COL5A2: variants seen among roughly 807,000 people sequenced by gnomAD.
The protein encoded by COL5A2 is collagen type V alpha 2 chain.
In COL5A2, 23 loss-of-function variants were observed where a neutral mutation model predicts 208.2. That is an observed-to-expected ratio of 0.11 (90% confidence interval 0.08 to 0.16). The LOEUF (loss-of-function observed/expected upper bound fraction) is 0.16, where lower values mean the gene tolerates loss of function less well. Ranked by LOEUF, COL5A2 falls within the 10% of genes least tolerant of loss-of-function variation. The pLI, the probability that COL5A2 is intolerant of heterozygous loss-of-function variation, is 1.00. For missense variants in COL5A2, 1,590 were observed against 1,956.4 expected (o/e 0.81, Z 3.53); for synonymous variants, 625 against 628.5 (o/e 0.99, Z 0.08).
At chr2:189,275,613 T>C in the COL5A2 span, among the ~76,000 whole-genome samples, 1 of 151,936 alleles carries the variant, frequency 6.6e-6, no homozygotes, top group African/African-American at 2.4e-5. Context: ...GCCACCACCC[T>C]GGCTAATTTT....
the COL5A2 span, among the ~76,000 whole-genome samples, chr2:189,277,259 G>A: frequency 2.0e-5 from 3 of 152,006 alleles, no homozygotes; most frequent in African/African-American, 7.2e-5. Flanking sequence ...CTGACCATAG[G>A]TCTTTTAATT....
intron 23 of COL5A2, 72 bp downstream of exon 23, chr2:189,066,318 C>A: frequency 7.3e-7 from 1 of 1,360,920 alleles, no homozygotes; most frequent in Non-Finnish European, 1.1e-6. Flanking sequence ...TTCTAGTTTT[C>A]CTTACTGTTC....
At chr2:189,272,897 C>T in the COL5A2 span, among the ~76,000 whole-genome samples, 1 of 152,130 alleles carries the variant, frequency 6.6e-6, no homozygotes, top group Non-Finnish European at 1.5e-5. Flanking sequence ...CCTTGTACAG[C>T]ATGACCACCA....
At chr2:189,237,679 T>C in the COL5A2 span, among the ~76,000 whole-genome samples, 1 of 151,912 alleles carries the variant, frequency 6.6e-6, no homozygotes, top group Non-Finnish European at 1.5e-5. Context: ...CCAACCACTA[T>C]AGACCAAACA....
At chr2:189,067,424 T>C (rs1686177938) in intron 21 of COL5A2, among the ~76,000 whole-genome samples, 1 of 152,148 alleles carries the variant, frequency 6.6e-6, no homozygotes, top group Non-Finnish European at 1.5e-5. Flanking sequence ...CCACATTACT[T>C]GGAACAGAAT....
At chr2:189,269,389 C>T in the COL5A2 span, among the ~76,000 whole-genome samples, 1 of 152,114 alleles carries the variant, frequency 6.6e-6, no homozygotes, top group East Asian at 1.9e-4. Flanking sequence ...ATAAATAACT[C>T]TTATTATTTT....
At chr2:189,064,872 A>T (rs1452679887) in intron 24 of COL5A2, 132 bp downstream of exon 24, 29 of 924,294 alleles carry the variant, frequency 3.1e-5, no homozygotes. Context: ...GATTGGGGTT[A>T]GGCCTGGTAT....
the COL5A2 span, among the ~76,000 whole-genome samples, chr2:189,336,646 T>C: frequency 1.2e-4 from 18 of 152,328 alleles, no homozygotes; most frequent in Admixed American, 1.1e-3. Context: ...TCAATGTATA[T>C]GAAGTCCAAG....
intron 30 of COL5A2, 88 bp downstream of exon 30, chr2:189,061,474 T>G: frequency 9.9e-7 from 1 of 1,011,552 alleles, no homozygotes. Flanking sequence ...TTGTAGAATT[T>G]CAAATCTTCT....
At chr2:189,143,662 G>C (rs568723578) in intron 1 of COL5A2, among the ~76,000 whole-genome samples, 1 of 152,244 alleles carries the variant, frequency 6.6e-6, no homozygotes, top group East Asian at 1.9e-4. Context: ...TCTGATTAGG[G>C]AGCTAAGCCC....
chr2:189,108,332 A>G (rs1687191901), intron 2 of COL5A2, among the ~76,000 whole-genome samples: 2 of 151,816 alleles, frequency 1.3e-5, no homozygotes, highest in Admixed American at 1.3e-4. Context: ...CCCCACAGAA[A>G]TGCTTTTACT....
intron 16 of COL5A2, 22 bp downstream of exon 16, chr2:189,078,494 A>C (rs1160682582): frequency 1.9e-6 from 3 of 1,583,668 alleles, no homozygotes; most frequent in Non-Finnish European, 2.6e-6. Flanking sequence ...TCAGCAGTAT[A>C]AGTAAAAGCA....
At chr2:189,266,981 C>A in the COL5A2 span, among the ~76,000 whole-genome samples, 1 of 150,812 alleles carries the variant, frequency 6.6e-6, no homozygotes, top group South Asian at 2.1e-4. Flanking sequence ...TATATTAAAA[C>A]AAATATACAT....
the COL5A2 span, among the ~76,000 whole-genome samples, chr2:189,300,767 A>C: frequency 6.6e-6 from 1 of 152,254 alleles, no homozygotes; most frequent in Non-Finnish European, 1.5e-5. Flanking sequence ...TGGAGTTTTC[A>C]TTCTAATGCT....
At chr2:189,353,987 A>T in the COL5A2 span, among the ~76,000 whole-genome samples, 1 of 152,210 alleles carries the variant, frequency 6.6e-6, no homozygotes, top group Non-Finnish European at 1.5e-5. Context: ...GACAGTTCTT[A>T]GAATGAAGCG....
intron 1 of COL5A2, among the ~76,000 whole-genome samples, chr2:189,209,448 G>A (rs1209668277): frequency 2.0e-5 from 3 of 152,136 alleles, no homozygotes; most frequent in South Asian, 4.2e-4. Context: ...ACTGTTCTAA[G>A]TTCCATAATC....
chr2:189,160,937 T>G (rs1688351073), intron 1 of COL5A2, among the ~76,000 whole-genome samples: 1 of 151,052 alleles, frequency 6.6e-6, no homozygotes, highest in South Asian at 2.1e-4. Context: ...TTCAAGTGAT[T>G]CTCCTGCCTC....
intron 52 of COL5A2, among the ~76,000 whole-genome samples, chr2:189,036,131 A>C (rs1685439165): frequency 6.6e-6 from 1 of 152,146 alleles, no homozygotes; most frequent in African/African-American, 2.4e-5. Context: ...TTTTATATCC[A>C]CATGGAAACT....
At chr2:189,128,644 G>T (rs1435083299) in intron 1 of COL5A2, among the ~76,000 whole-genome samples, 1 of 151,858 alleles carries the variant, frequency 6.6e-6, no homozygotes, top group African/African-American at 2.4e-5. Context: ...CTGGAAACTT[G>T]TATTTTTTAG....
Sources: gnomAD v4.1 joint callset for allele counts (sites outside exome capture counted in the v4.1 genomes callset) on GRCh38, gnomAD v4.1.1 for gene constraint, MANE v1.5 for transcripts, NCBI Gene and HGNC (gene_info 2026-07-23, HGNC 2026-07-21) for gene names.